Variants in STK32B observed in about 807,000 individuals in gnomAD.
STK32B encodes serine/threonine-protein kinase 32B.
In STK32B, 43 loss-of-function variants were observed where a neutral mutation model predicts 52.6. The observed-to-expected ratio is 0.82, with a 90% confidence interval of 0.64 to 1.05. The LOEUF is 1.05. Ranked by LOEUF, STK32B falls within the 50% of genes least tolerant of loss-of-function variation. STK32B has a pLI of 0.00. For missense variants in STK32B, 621 were observed against 534.6 expected, an observed-to-expected ratio of 1.16 and a Z score of -1.59; for synonymous variants, 238 against 204.3, an observed-to-expected ratio of 1.17 and a Z score of -1.41.
intron 1 of STK32B, among the ~76,000 whole-genome samples, chr4:5,110,626 C>G (rs982331079): frequency 1.3e-5 from 2 of 152,008 alleles, no homozygotes; most frequent in African/African-American, 2.4e-5. Flanking sequence ...GATTAAAGAC[C>G]TAAATGTAAG....
At chr4:5,338,857 G>T (rs115323541) in intron 4 of STK32B, among the ~76,000 whole-genome samples, 472 of 152,292 alleles carry the variant, frequency 3.1e-3, no homozygotes, top group African/African-American at 0.011. Flanking sequence ...TTAATTTTCT[G>T]TGTCAATTTG....
intron 4 of STK32B, among the ~76,000 whole-genome samples, chr4:5,385,828 TCCCACCCACAGCTCCACTTAAAGCC>T (rs1736212592): frequency 6.7e-6 from 1 of 149,780 alleles, no homozygotes. Context: ...TCGCCCACAG[TCCCACCCACAGCTCCACTTAAAGCC>T]CCCACCCACA....
chr4:5,369,500 T>G (rs557215940), intron 4 of STK32B, among the ~76,000 whole-genome samples: 347 of 152,200 alleles, frequency 2.3e-3, no homozygotes, highest in African/African-American at 7.8e-3. Context: ...GGGGACAGAA[T>G]GCAAATCATC....
chr4:5,340,831 TATAAAC>T (rs1468463542), intron 4 of STK32B, among the ~76,000 whole-genome samples: 1 of 152,214 alleles, frequency 6.6e-6, no homozygotes, highest in African/African-American at 2.4e-5. Flanking sequence ...TATATATAAA[TATAAAC>T]ACCCACACAT....
intron 1 of STK32B, among the ~76,000 whole-genome samples, chr4:5,065,008 T>A (rs1742362331): frequency 6.6e-6 from 1 of 151,744 alleles, no homozygotes; most frequent in Non-Finnish European, 1.5e-5. Context: ...TTCCTTCTCC[T>A]TCTTCTTTGC....
chr4:5,031,252 G>A, the STK32B span, among the ~76,000 whole-genome samples: 17 of 152,270 alleles, frequency 1.1e-4, no homozygotes, highest in East Asian at 7.7e-4. Flanking sequence ...AATGCTTGAC[G>A]AAATACCTGA....
At chr4:5,174,529 T>C (rs1719667702) in intron 3 of STK32B, among the ~76,000 whole-genome samples, 1 of 152,256 alleles carries the variant, frequency 6.6e-6, no homozygotes, top group East Asian at 1.9e-4. Flanking sequence ...TTTGTTTGTC[T>C]GTGAATTATT....
At chr4:5,242,340 GT>G (rs1363442193) in intron 3 of STK32B, among the ~76,000 whole-genome samples, 1 of 152,154 alleles carries the variant, frequency 6.6e-6, no homozygotes, top group African/African-American at 2.4e-5. Flanking sequence ...ATGATGAGCA[GT>G]TTTTCATGTG....
chr4:5,164,942 A>G (rs1718757164), intron 2 of STK32B, among the ~76,000 whole-genome samples: 1 of 152,024 alleles, frequency 6.6e-6, no homozygotes, highest in African/African-American at 2.4e-5. Flanking sequence ...GTTGTTACCA[A>G]CCCTTCTTGG....
chr4:5,438,557 G>A (rs1258264297), intron 6 of STK32B, among the ~76,000 whole-genome samples: 1 of 152,206 alleles, frequency 6.6e-6, no homozygotes, highest in Non-Finnish European at 1.5e-5. Context: ...GGGAGGCCAA[G>A]CATGGCAGAG....
At chr4:5,053,434 G>C (rs978595738) in intron 1 of STK32B, among the ~76,000 whole-genome samples, 1 of 152,152 alleles carries the variant, frequency 6.6e-6, no homozygotes, top group Non-Finnish European at 1.5e-5. Flanking sequence ...TCAATTGCAC[G>C]GGCTTGTGGT....
At chr4:5,044,613 T>C in the STK32B span, among the ~76,000 whole-genome samples, 2 of 152,218 alleles carry the variant, frequency 1.3e-5, no homozygotes. Context: ...ATTCAAAATA[T>C]GTTCAGGACT....
chr4:5,059,026 C>T (rs1220978447), intron 1 of STK32B, among the ~76,000 whole-genome samples: 1 of 140,650 alleles, frequency 7.1e-6, no homozygotes. Flanking sequence ...TCTGAGATTA[C>T]AGGCGTGAGC....
intron 3 of STK32B, among the ~76,000 whole-genome samples, chr4:5,244,905 C>T (rs1278583400): frequency 7.9e-5 from 12 of 152,276 alleles, no homozygotes; most frequent in Non-Finnish European, 1.6e-4. Context: ...GTTTCTGAAT[C>T]CTGAGTTCTA....
rs190748798 is a variant in STK32B, at chr4:5,093,736, A to G, written c.52+41821A>G. ...ATGAAAAAAAATGCCATGTGATGCT[A>G]ATAATCTCCAGGTGAGCAGTTTGTT... On this transcript the variant is annotated intron_variant, in intron 1 of 11. Transcript: ENST00000282908. Among the ~76,000 whole-genome samples, 219 of 152,360 alleles carry G rather than the reference A, an allele frequency of 1.4e-3. 1 individual carries two copies. Among genetic ancestry groups the G allele is most frequent in the Non-Finnish European group, 2.6e-3 (176 of 68,034 alleles).
chr4:5,203,430 C>G (rs557468931), intron 3 of STK32B, among the ~76,000 whole-genome samples: 2 of 152,236 alleles, frequency 1.3e-5, no homozygotes, highest in Non-Finnish European at 2.9e-5. Flanking sequence ...CTTTACATGT[C>G]TCTTTTTTCA....
intron 3 of STK32B, among the ~76,000 whole-genome samples, chr4:5,246,955 C>T (rs182893913): frequency 6.6e-5 from 10 of 152,234 alleles, no homozygotes; most frequent in Admixed American, 2.6e-4. Flanking sequence ...GAGAAGTACC[C>T]GGCTGTATAA....
At position 5,487,495 on chromosome 4, in the gene STK32B, A is replaced by C. The variant is rs76640559; in HGVS notation, c.1107-11450A>C. Among the ~76,000 whole-genome samples the C allele has an allele frequency of 5.9e-3, 903 of 152,312 alleles. 13 individuals are homozygous for C. The highest frequency in any genetic ancestry group is 0.021 in the African/African-American group (872 of 41,562). The stretch of plus-strand genomic sequence containing the variant: ...TCACAGCCGAAGCCTAAGGGCAACA[A>C]ACTAAAATCTAAAGACTGTGGAGGA... On this transcript the variant is annotated intron_variant, in intron 11 of 11. Transcript: ENST00000282908.
intron 1 of STK32B, among the ~76,000 whole-genome samples, chr4:5,065,603 C>T (rs535184338): frequency 1.3e-5 from 2 of 152,258 alleles, no homozygotes; most frequent in Admixed American, 6.5e-5. Context: ...CAATGCCTAG[C>T]ACGAGGCCAG....
Sources: allele counts gnomAD v4.1 joint callset (sites outside exome capture counted in the v4.1 genomes callset), GRCh38; gene constraint gnomAD v4.1.1; transcripts MANE v1.5; gene names NCBI Gene and HGNC (gene_info 2026-07-23, HGNC 2026-07-21).